The following FBRSL1 variants were observed in gnomAD, a reference collection of about 807,000 sequenced individuals.
FBRSL1 encodes fibrosin like 1.
In FBRSL1, 51 loss-of-function variants were observed where a neutral mutation model predicts 89.6. The ratio of observed to expected loss-of-function variants is 0.57; its 90% CI spans 0.45 to 0.72. The LOEUF is 0.72. Ranked by LOEUF, FBRSL1 falls within the 30% of genes least tolerant of loss-of-function variation. FBRSL1 has a pLI of 0.00. For synonymous variants in FBRSL1, 779 were observed against 681.1 expected (o/e 1.14, Z -2.24); for missense variants, 1,618 against 1,451.8 (o/e 1.11, Z -1.86).
intron 4 of FBRSL1, among the ~76,000 whole-genome samples, chr12:132,531,385 G>A (rs1057172868): frequency 2.0e-5 from 3 of 151,988 alleles, no homozygotes; most frequent in Non-Finnish European, 4.4e-5. Context: ...GCATGTGCAT[G>A]TGTGTATGTG....
chr12:132,536,174 G>A (rs1370144954), intron 4 of FBRSL1, among the ~76,000 whole-genome samples: 6 of 142,574 alleles, frequency 4.2e-5, no homozygotes, highest in African/African-American at 2.7e-5. Context: ...CTGTGTACAC[G>A]ATGGTGTGTG....
At chr12:132,581,664 C>A in intron 16 of FBRSL1, 77 bp from the exon 17 acceptor site, 1 of 1,504,748 alleles carries the variant, frequency 6.6e-7, no homozygotes, top group Non-Finnish European at 9.0e-7. Context: ...AAAGCCTCTA[C>A]AGCAGCCCCC....
intron 15 of FBRSL1, chr12:132,580,898 G>C: frequency 1.0e-6 from 1 of 985,450 alleles, no homozygotes; most frequent in Non-Finnish European, 1.2e-6. Flanking sequence ...CCACACGGTT[G>C]CTCTCCAAGG....
intron 6 of FBRSL1, 92 bp from the exon 7 acceptor site, chr12:132,569,834 T>C: frequency 1.0e-6 from 1 of 996,208 alleles, no homozygotes; most frequent in Non-Finnish European, 1.3e-6. Flanking sequence ...AGACATAGCC[T>C]GGGCACCGGG....
chr12:132,509,032 C>A, intron 2 of FBRSL1: 1 of 1,200,530 alleles, frequency 8.3e-7, no homozygotes, highest in Non-Finnish European at 1.0e-6. Flanking sequence ...TGCGCGGTGT[C>A]CTCGGCTCTC....
chr12:132,574,403 C>A, intron 13 of FBRSL1, 55 bp downstream of exon 13: 1 of 1,548,600 alleles, frequency 6.5e-7, no homozygotes. Context: ...GCCCCCGGGG[C>A]GGCCTCGGGG....
chr12:132,571,606 G>A (rs923089717), intron 9 of FBRSL1: 52 of 983,188 alleles, frequency 5.3e-5, no homozygotes, highest in Admixed American at 8.7e-5. Flanking sequence ...ACACACGCTC[G>A]CACACACACC....
chr12:132,502,880 C>T (rs567381487), intron 1 of FBRSL1, among the ~76,000 whole-genome samples: 23 of 147,572 alleles, frequency 1.6e-4, no homozygotes, highest in African/African-American at 5.3e-4. Flanking sequence ...CTCCTGTCCC[C>T]GCCCTCTCCT....
At chr12:132,498,117 C>G (rs2032349076) in intron 1 of FBRSL1, among the ~76,000 whole-genome samples, 1 of 152,156 alleles carries the variant, frequency 6.6e-6, no homozygotes, top group African/African-American at 2.4e-5. Flanking sequence ...CCTGCTGTTT[C>G]TTTGGGAGCC....
intron 2 of FBRSL1, among the ~76,000 whole-genome samples, chr12:132,523,245 G>C (rs1159582255): frequency 6.6e-6 from 1 of 152,210 alleles, no homozygotes; most frequent in African/African-American, 2.4e-5. Flanking sequence ...CACCTTGGCT[G>C]TTTGAGGTCC....
intron 4 of FBRSL1, among the ~76,000 whole-genome samples, chr12:132,547,363 G>T (rs567689218): frequency 1.5e-3 from 234 of 152,282 alleles, no homozygotes; most frequent in Admixed American, 4.6e-3. Context: ...GAACGGATTT[G>T]TTTTCGGGAT....
At chr12:132,519,246 T>C (rs1455024904) in intron 2 of FBRSL1, among the ~76,000 whole-genome samples, 2 of 152,262 alleles carry the variant, frequency 1.3e-5, no homozygotes, top group Non-Finnish European at 2.9e-5. Flanking sequence ...GCAACCCCAC[T>C]TCTCTTTTAG....
rs1337047391 is a variant in FBRSL1 at position 132,499,697 on chromosome 12, G to A, written c.292-8456G>A. Among the ~76,000 whole-genome samples the A allele has an allele frequency of 2.0e-5, 3 of 151,746 alleles. No individual in the cohort carries two copies. The highest frequency in any genetic ancestry group is 4.4e-5 in the Non-Finnish European group (3 of 67,908). On this transcript the variant is annotated intron_variant, in intron 1 of 18. Transcript: ENST00000680143. The surrounding 1 kb of genome is among the most constrained non-coding windows in gnomAD (Gnocchi z 4.3). ...GCAGGCAGGCTGGAGACAGCTGGGG[G>A]CTGTGGCTGGGGGGCTGCAGGGCTG...
In FBRSL1 at chr12:132,572,567, C is replaced by A. The variant is rs369215284; in HGVS notation, c.1475C>A (p.Thr492Asn). ...CCTCCTGCCATCCCGGGACTGCCCACCCTGCTCCCACACCCCGGCCCCTTC... is the reference window on the plus strand; with the variant it reads ...CCTCCTGCCATCCCGGGACTGCCCAACCTGCTCCCACACCCCGGCCCCTTC... Reference protein sequence around the residue: ...SFPPAIPGLPTLLPHPGPFGS... With the variant: ...SFPPAIPGLPNLLPHPGPFGS... The change falls in exon 11 of 19, where the codon ACC (threonine) becomes AAC (asparagine). Residue 492 changes from threonine to asparagine, a missense_variant. By Grantham distance (65) the Thr-to-Asn change is moderately conservative. Coordinates refer to ENST00000680143, the MANE Select transcript of FBRSL1 (RefSeq NM_001367871.1). The A allele has an allele frequency of 4.6e-5, 72 of 1,551,256 alleles. No individual in the cohort carries two copies. Among genetic ancestry groups the A allele is most frequent in the Non-Finnish European group, 6.1e-5 (70 of 1,146,922 alleles).
In FBRSL1 at chr12:132,583,351, C is replaced by G. The variant is rs1402132836; in HGVS notation, c.2582C>G (p.Pro861Arg). Residue 861 changes from proline (P) to arginine (R), a missense_variant, in exon 19 of 19, where the codon CCA becomes CGA. Pro to Arg is a moderately radical substitution (Grantham distance 103). Coordinates refer to ENST00000680143, the MANE Select transcript of FBRSL1 (RefSeq NM_001367871.1). ...AWEPFRGLEL[P>R]RRAFPAAAPA... ...GAGCCTTTCCGCGGCCTGGAGCTGC[C>G]ACGTCGCGCCTTCCCCGCTGCCGCC... The G allele has an allele frequency of 1.7e-6, 2 of 1,149,630 alleles. No homozygotes were observed. The highest frequency in any genetic ancestry group is 1.1e-4 in the East Asian group (2 of 18,348). The allele number at this position is 1,149,630 out of a possible 1,614,324, so 71.2% of individuals were successfully genotyped here. A position where few individuals can be genotyped will look rare whatever the true frequency, so the allele number is the denominator to read the frequency against.
Position 132,581,770 on chromosome 12 carries a change from GGCCTGGGCA to G in FBRSL1, c.1948_1956del (p.Gly650_Leu652del), listed in dbSNP as rs934579232. 139 of 1,549,744 alleles carry G rather than the reference GGCCTGGGCA, an allele frequency of 9.0e-5. No individual in the cohort carries two copies. The highest frequency in any genetic ancestry group is 6.7e-4 in the Middle Eastern group (4 of 6,006). On this transcript the variant is annotated inframe_deletion, in exon 17 of 19. Transcript: ENST00000680143. ...TTTCAGCAGACCGAGCACCTTTGGG[GGCCTGGGCA>G]GCCTGAGCAGCCACGCCTTTGGGGG...
At chr12:132,557,430 A>G (rs1593482938) in intron 5 of FBRSL1, among the ~76,000 whole-genome samples, 4 of 151,974 alleles carry the variant, frequency 2.6e-5, no homozygotes, top group Non-Finnish European at 5.9e-5. Context: ...CAAAACACAG[A>G]CCTGCCCCTG....
At chr12:132,581,338 G>T (rs1405583344) in intron 15 of FBRSL1, 101 bp from the exon 16 acceptor site, 30 of 1,544,244 alleles carry the variant, frequency 1.9e-5, no homozygotes, top group Non-Finnish European at 2.4e-5. Flanking sequence ...GGGAGGTGAA[G>T]GTTCACAGAG....
chr12:132,493,496 C>T (rs1464148246), intron 1 of FBRSL1, among the ~76,000 whole-genome samples: 8 of 152,330 alleles, frequency 5.3e-5, no homozygotes, highest in Non-Finnish European at 8.8e-5. Flanking sequence ...GACCAACTCT[C>T]GGCCCCAGCC....
Sources: allele counts gnomAD v4.1 joint callset (sites outside exome capture counted in the v4.1 genomes callset), GRCh38; gene constraint gnomAD v4.1.1; non-coding constraint Gnocchi (gnomAD v3.1); transcripts MANE v1.5; gene names NCBI Gene and HGNC (gene_info 2026-07-23, HGNC 2026-07-21).